Variants in ZNF236 observed in about 807,000 individuals in gnomAD.
ZNF236 encodes the protein zinc finger protein 236.
A neutral mutation model predicts 191.2 loss-of-function variants in ZNF236; 50 were observed. That is an observed-to-expected ratio of 0.26 (90% confidence interval 0.21 to 0.33). The LOEUF (loss-of-function observed/expected upper bound fraction) is 0.33. ZNF236 is among the 10% of genes least tolerant of loss of function. ZNF236 has a pLI of 1.00. For synonymous variants in ZNF236, 907 were observed against 928.8 expected (o/e 0.98, Z 0.43); for missense variants, 1,754 against 2,374.5 (o/e 0.74, Z 5.43).
At position 76,836,723 on chromosome 18, in the gene ZNF236, G is replaced by A. The variant is rs1488952788; in HGVS notation, c.56-12803G>A. 5.9e-5 allele frequency among the ~76,000 whole-genome samples: 9 copies of A among 151,888 alleles called. No individual in the cohort carries two copies. In the South Asian group the frequency reaches 6.2e-4, roughly 11 times the overall value. On this transcript the variant is annotated intron_variant, in intron 1 of 30. Transcript: ENST00000320610. The stretch of plus-strand genomic sequence containing the variant: ...CTCCCGAGTGGCTGGAGCTACAGGC[G>A]CCCGCCACCACGCCTGGCTAATTTT...
At chr18:76,917,245 T>C (rs961180915) in intron 19 of ZNF236, among the ~76,000 whole-genome samples, 1 of 152,228 alleles carries the variant, frequency 6.6e-6, no homozygotes, top group African/African-American at 2.4e-5. Flanking sequence ...AAAAAGAAAA[T>C]GACCCTTTCC....
chr18:76,868,863 G>A lies in ZNF236; in HGVS notation c.542G>A (p.Arg181Lys), dbSNP rs1232976425. ...KEHMKTHYKI[R>K]VSSTRSYNRN... ...CACATGAAGACTCATTACAAAATTAGGTATGAGTCATTACATGGGCTTGGT... is the reference window on the plus strand; with the variant it reads ...CACATGAAGACTCATTACAAAATTAAGTATGAGTCATTACATGGGCTTGGT... The change falls in exon 4 of 31, where the codon AGG (arginine) becomes AAG (lysine). Residue 181 changes from arginine (R) to lysine (K), a missense_variant and splice_region_variant. This residue lies in a region of ZNF236 where 336 missense variants were observed against 495.1 expected (regional missense o/e 0.68). Transcript: ENST00000320610. 2.5e-6 allele frequency: 4 copies of A among 1,591,932 alleles called. No homozygotes were observed. The highest frequency in any genetic ancestry group is 1.1e-5 in the South Asian group (1 of 88,602).
chr18:76,882,833 G>A (rs766616846), intron 9 of ZNF236, among the ~76,000 whole-genome samples: 8 of 152,170 alleles, frequency 5.3e-5, no homozygotes, highest in East Asian at 3.8e-4. Context: ...AGCCATTTCC[G>A]TATATTTCGA....
intron 19 of ZNF236, among the ~76,000 whole-genome samples, chr18:76,917,697 T>C (rs1213042508): frequency 1.3e-5 from 2 of 152,176 alleles, no homozygotes; most frequent in Admixed American, 6.5e-5. Flanking sequence ...TTGTTCTCTG[T>C]CTCCAGTCTG....
intron 30 of ZNF236, among the ~76,000 whole-genome samples, chr18:76,966,754 G>A (rs1968786632): frequency 6.6e-6 from 1 of 152,196 alleles, no homozygotes; most frequent in African/African-American, 2.4e-5. Context: ...ATATTGGGGT[G>A]TGATCCTACT....
Position 76,905,194 on chromosome 18 carries a change from T to C in ZNF236, c.2076T>C (p.Cys692=), listed in dbSNP as rs370575484. ...TGEKPFKCSQ[C]GRGFVSAGVL... The stretch of plus-strand genomic sequence containing the variant: ...AAAAACCTTTTAAATGTTCTCAGTG[T>C]GGAAGAGGCTTTGTTTCTGCAGGCG... The change falls in exon 13 of 31, where the codon TGT becomes TGC. Residue 692 remains cysteine (C), a synonymous_variant. Coordinates refer to ENST00000320610, the MANE Select transcript of ZNF236 (RefSeq NM_001306089.2). 2 of 1,614,060 alleles carry C rather than the reference T, an allele frequency of 1.2e-6. No individual in the cohort carries two copies. Among genetic ancestry groups the C allele is most frequent in the African/African-American group, 2.7e-5 (2 of 74,926 alleles).
chr18:76,913,651 G>T, intron 17 of ZNF236, 96 bp from the exon 18 acceptor site: 1 of 1,320,004 alleles, frequency 7.6e-7, no homozygotes, highest in Non-Finnish European at 1.1e-6. Flanking sequence ...CATGGTTGTT[G>T]GTGAAGCTTG....
chr18:76,937,483 A>G (rs916992794), intron 26 of ZNF236, 140 bp downstream of exon 26: 3 of 773,160 alleles, frequency 3.9e-6, no homozygotes, highest in East Asian at 5.5e-5. Flanking sequence ...TGATTAAAAA[A>G]TACGGTAAAT....
At chr18:76,939,468 CTG>C (rs1331337777) in intron 26 of ZNF236, among the ~76,000 whole-genome samples, 1 of 152,184 alleles carries the variant, frequency 6.6e-6, no homozygotes, top group African/African-American at 2.4e-5. Context: ...ATCTTGGTCA[CTG>C]TATCTCAGGG....
chr18:76,955,066 T>C (rs1305931858), intron 27 of ZNF236, among the ~76,000 whole-genome samples: 1 of 152,048 alleles, frequency 6.6e-6, no homozygotes, highest in Non-Finnish European at 1.5e-5. Flanking sequence ...TATAATTGTT[T>C]TGTTAAGCCA....
At chr18:76,920,159 G>C in intron 20 of ZNF236, 101 bp downstream of exon 20, 1 of 1,378,584 alleles carries the variant, frequency 7.3e-7, no homozygotes, top group Non-Finnish European at 9.8e-7. Context: ...ATTAGTTTCT[G>C]AACCTGGTGT....
rs1160527045 is a variant in ZNF236, at chr18:76,875,004, T to C, written c.668-488T>C. Among the ~76,000 whole-genome samples, 5 of 152,166 alleles carry C rather than the reference T, an allele frequency of 3.3e-5. No individual in the cohort carries two copies. Among genetic ancestry groups the C allele is most frequent in the Non-Finnish European group, 7.3e-5 (5 of 68,036 alleles). ...CAGACTTAAAGAGGGTCATTTTGTC[T>C]GTTGTTTTGAGAGCAGCCTAGGAAG... On this transcript the variant is annotated intron_variant, in intron 5 of 30. Coordinates refer to ENST00000320610, the MANE Select transcript of ZNF236 (RefSeq NM_001306089.2). This position sits in a 1 kb window ranked among gnomAD's most constrained non-coding sequence, Gnocchi z 4.3.
chr18:76,871,856 C>G, intron 5 of ZNF236, 31 bp downstream of exon 5: 1 of 1,612,792 alleles, frequency 6.2e-7, no homozygotes, highest in Non-Finnish European at 8.5e-7. Flanking sequence ...GGATGACTGA[C>G]CGTGTGGCTG....
chr18:76,944,765 G>C (rs1968216809), intron 26 of ZNF236, among the ~76,000 whole-genome samples: 1 of 152,166 alleles, frequency 6.6e-6, no homozygotes, highest in Non-Finnish European at 1.5e-5. Context: ...CTGGGTAACA[G>C]AGCACGACTC....
chr18:76,901,790 G>A (rs1023935272), intron 11 of ZNF236, among the ~76,000 whole-genome samples: 5 of 151,884 alleles, frequency 3.3e-5, no homozygotes, highest in South Asian at 2.1e-4. Context: ...TTTAATATAC[G>A]AATTGTACTA....
At chr18:76,910,633 G>T (rs1057032344) in intron 15 of ZNF236, 27 bp from the exon 16 acceptor site, 3 of 1,596,364 alleles carry the variant, frequency 1.9e-6, no homozygotes, top group East Asian at 4.5e-5. Flanking sequence ...TATTTTTGTA[G>T]AACTCCTCTT....
Position 76,937,721 on chromosome 18 carries a change from A to G in ZNF236, c.4782+378A>G, listed in dbSNP as rs577737630. On this transcript the variant is annotated intron_variant, in intron 26 of 30. Coordinates refer to ENST00000320610, the MANE Select transcript of ZNF236 (RefSeq NM_001306089.2). ...TAGATGAGCTTTATTGAAGGGCATT[A>G]TGTTGTATTCATGGTTTCAATAAGT... 3.3e-5 allele frequency among the ~76,000 whole-genome samples: 5 copies of G among 152,302 alleles called. No homozygotes were observed. The South Asian group carries it at 8.3e-4, about 25-fold the overall frequency.
At chr18:76,926,820 G>A (rs7237531) in intron 22 of ZNF236, among the ~76,000 whole-genome samples, 47,939 of 49,258 alleles carry the variant, frequency 0.97, 23,312 homozygotes, top group Admixed American at 0.98. Context: ...GTATAAATAA[G>A]GGGTGATTAG....
intron 26 of ZNF236, among the ~76,000 whole-genome samples, chr18:76,946,088 T>C (rs920077270): frequency 6.6e-6 from 1 of 152,226 alleles, no homozygotes; most frequent in Non-Finnish European, 1.5e-5. Flanking sequence ...CTGATATAGT[T>C]TGGCCGTGTC....
Sources: gnomAD v4.1 joint callset for allele counts (sites outside exome capture counted in the v4.1 genomes callset) on GRCh38, gnomAD v4.1.1 for gene constraint, gnomAD v4.1.1 regional missense constraint, Gnocchi (gnomAD v3.1) non-coding constraint, MANE v1.5 for transcripts, NCBI Gene and HGNC (gene_info 2026-07-23, HGNC 2026-07-21) for gene names.